The following TLE1 variants were observed in gnomAD, a reference collection of about 807,000 sequenced individuals.
The protein encoded by TLE1 is TLE family member 1, transcriptional corepressor, also known as transducin-like enhancer protein 1.
In TLE1, 21 loss-of-function variants were observed where a neutral mutation model predicts 89.8. The ratio of observed to expected loss-of-function variants is 0.23; its 90% CI spans 0.17 to 0.34. The LOEUF (loss-of-function observed/expected upper bound fraction) is 0.34. Among genes scored for constraint, TLE1 ranks in the 10% least tolerant of loss-of-function variants. The pLI is 1.00. For missense variants in TLE1, 795 were observed against 1,031.2 expected (o/e 0.77, Z 3.14); for synonymous variants, 447 against 407.6 (o/e 1.10, Z -1.16).
intron 6 of TLE1, among the ~76,000 whole-genome samples, chr9:81,636,445 T>TGGGTGGG (rs1476680690): frequency 2.4e-4 from 21 of 89,000 alleles, no homozygotes; most frequent in African/African-American, 8.2e-4. Context: ...GTCAGGCTTC[T>TGGGTGGG]GGGTGGGGGG....
intron 14 of TLE1, among the ~76,000 whole-genome samples, chr9:81,594,123 A>T (rs1278804777): frequency 6.6e-6 from 1 of 152,134 alleles, no homozygotes; most frequent in Non-Finnish European, 1.5e-5. Flanking sequence ...GCTCTAAAAA[A>T]ATAAATAGGG....
chr9:81,590,789 G>C lies in TLE1; in HGVS notation c.1829+16C>G. Reference sequence around the variant, plus strand: ...TAAAGAAGCGAACCCCTCCTTAGACGACCATCTTTGCTCACCTCACTAGTG... The same window carrying C: ...TAAAGAAGCGAACCCCTCCTTAGACCACCATCTTTGCTCACCTCACTAGTG... On this transcript the variant is annotated intron_variant, in intron 16 of 19. Transcript: ENST00000376499. 6.2e-7 allele frequency: 1 copy of C among 1,608,168 alleles called. No individual in the cohort carries two copies. The highest frequency in any genetic ancestry group is 8.5e-7 in the Non-Finnish European group (1 of 1,175,846).
chr9:81,618,484 C>T (rs983574425), intron 9 of TLE1, among the ~76,000 whole-genome samples: 1 of 152,116 alleles, frequency 6.6e-6, no homozygotes, highest in African/African-American at 2.4e-5. Context: ...ATATTTTAGC[C>T]ATGGTTACAG....
At chr9:81,685,758 CAT>C (rs745798467) in intron 3 of TLE1, 38 bp from the exon 4 acceptor site, 4 of 1,612,100 alleles carry the variant, frequency 2.5e-6, no homozygotes, top group African/African-American at 1.3e-5. Context: ...TTCATTAACT[CAT>C]GTTTTTTACA....
At chr9:81,615,081 C>CAAAAAAAAAAAAAAA (rs34947337) in intron 11 of TLE1, among the ~76,000 whole-genome samples, 3 of 25,108 alleles carry the variant, frequency 1.2e-4, no homozygotes, top group Non-Finnish European at 2.0e-4. Context: ...GACTCCATCT[C>CAAAAAAAAAAAAAAA]AAAAAAAAAA....
chr9:81,672,645 C>CAGGT, intron 4 of TLE1, among the ~76,000 whole-genome samples: 1 of 152,220 alleles, frequency 6.6e-6, no homozygotes, highest in East Asian at 1.9e-4. Context: ...ACACTCCCCA[C>CAGGT]AGGTGTACAT....
intron 6 of TLE1, among the ~76,000 whole-genome samples, chr9:81,640,719 T>C (rs1488291955): frequency 2.0e-5 from 3 of 152,234 alleles, no homozygotes; most frequent in South Asian, 2.1e-4. Flanking sequence ...TATATTACTA[T>C]AATGAAACTG....
At chr9:81,596,638 A>G (rs1168264433) in intron 14 of TLE1, among the ~76,000 whole-genome samples, 4 of 152,322 alleles carry the variant, frequency 2.6e-5, no homozygotes, top group Non-Finnish European at 5.9e-5. Flanking sequence ...GCATTCATGA[A>G]TATCGCTCAC....
At chr9:81,676,408 G>A (rs994355343) in intron 4 of TLE1, among the ~76,000 whole-genome samples, 11 of 152,182 alleles carry the variant, frequency 7.2e-5, no homozygotes, top group African/African-American at 1.2e-4. Context: ...GTCCCAGGCC[G>A]CCTTGAAGTA....
At chr9:81,614,140 C>G (rs567997739) in intron 11 of TLE1, among the ~76,000 whole-genome samples, 1 of 152,092 alleles carries the variant, frequency 6.6e-6, no homozygotes, top group South Asian at 2.1e-4. Flanking sequence ...GATCTCCTGA[C>G]CTCGTGATCC....
At chr9:81,681,764 C>T (rs938769660) in intron 4 of TLE1, among the ~76,000 whole-genome samples, 1 of 152,126 alleles carries the variant, frequency 6.6e-6, no homozygotes, top group African/African-American at 2.4e-5. Flanking sequence ...TGGCCTGTGA[C>T]CCTCCTCTCC....
chr9:81,586,852 C>CT (rs1413346094), intron 17 of TLE1, among the ~76,000 whole-genome samples: 1 of 151,838 alleles, frequency 6.6e-6, no homozygotes, highest in Non-Finnish European at 1.5e-5. Context: ...CAGCAAGACT[C>CT]TAAGAAACTC....
intron 9 of TLE1, among the ~76,000 whole-genome samples, chr9:81,619,983 C>T (rs933523052): frequency 7.9e-5 from 12 of 152,192 alleles, no homozygotes; most frequent in Non-Finnish European, 1.5e-5. Context: ...ACAGCATCCA[C>T]AAAGCTTTTG....
intron 14 of TLE1, among the ~76,000 whole-genome samples, chr9:81,594,835 A>G (rs1829992351): frequency 6.6e-6 from 1 of 152,208 alleles, no homozygotes; most frequent in African/African-American, 2.4e-5. Context: ...AAAACCGATT[A>G]TGCCAGGTCT....
At chr9:81,635,915 T>A (rs1827298966) in intron 6 of TLE1, among the ~76,000 whole-genome samples, 1 of 152,098 alleles carries the variant, frequency 6.6e-6, no homozygotes, top group Non-Finnish European at 1.5e-5. Context: ...ATCCCAACAC[T>A]TTGGAGGCCA....
At position 81,634,097 on chromosome 9, in the gene TLE1, C is replaced by A; in HGVS notation, c.577G>T (p.Asp193Tyr). 6.2e-7 allele frequency: 1 copy of A among 1,606,550 alleles called. No individual in the cohort carries two copies. The highest frequency in any genetic ancestry group is 8.5e-7 in the Non-Finnish European group (1 of 1,175,996). The change falls in exon 7 of 20, where the codon GAC becomes TAC. Residue 193 changes from aspartate (D) to tyrosine (Y), a missense_variant and splice_region_variant. Physicochemically the swap from Asp to Tyr is radical, Grantham distance 160 (BLOSUM62 -3). Transcript: ENST00000376499. ...TAATCTGGCTTGCCCGGCCTCTCAC[C>A]TCTGTGGTGCTCTGCATCGTGGTGC... is the stretch of plus-strand genomic sequence containing the variant. The part of the protein sequence containing the change: ...KKHHDAEHHR[D>Y]REPGTSNSLL...
chr9:81,658,896 G>A (rs1278892898), intron 4 of TLE1, among the ~76,000 whole-genome samples: 2 of 151,914 alleles, frequency 1.3e-5, no homozygotes, highest in African/African-American at 4.8e-5. Context: ...TTTTATTTAT[G>A]TATTTATTTA....
At chr9:81,660,980 T>TACA (rs1554693464) in intron 4 of TLE1, among the ~76,000 whole-genome samples, 1 of 59,914 alleles carries the variant, frequency 1.7e-5, no homozygotes, top group Non-Finnish European at 4.0e-5. Flanking sequence ...CACACACACA[T>TACA]TTAGCCTGGC....
intron 4 of TLE1, among the ~76,000 whole-genome samples, chr9:81,680,899 T>G (rs1833532787): frequency 6.8e-6 from 1 of 146,794 alleles, no homozygotes; most frequent in African/African-American, 2.5e-5. Context: ...AATCTCAAAG[T>G]GAGAAACTGT....
Sources: gnomAD v4.1 joint callset for allele counts (sites outside exome capture counted in the v4.1 genomes callset) on GRCh38, gnomAD v4.1.1 for gene constraint, MANE v1.5 for transcripts, NCBI Gene and HGNC (gene_info 2026-07-23, HGNC 2026-07-21) for gene names.